The following NRG3 variants were observed in gnomAD, a reference collection of about 807,000 sequenced individuals.
NRG3 encodes neuregulin 3.
In NRG3, 31 loss-of-function variants were observed where a neutral mutation model predicts 66.9. The observed-to-expected ratio is 0.46, with a 90% CI of 0.35 to 0.63. The LOEUF (loss-of-function observed/expected upper bound fraction) is 0.63. Among genes scored for constraint, NRG3 ranks in the 20% least tolerant of loss-of-function variants. The probability of loss-of-function intolerance (pLI) is 0.00; values close to 1 mark genes in which losing one functional copy is unlikely to be tolerated. For synonymous variants in NRG3, 393 were observed against 359.4 expected, an observed-to-expected ratio of 1.09 and a Z score of -1.06; for missense variants, 910 against 878.9, an observed-to-expected ratio of 1.04 and a Z score of -0.45.
intron 4 of NRG3, among the ~76,000 whole-genome samples, chr10:82,906,639 G>A (rs931666777): frequency 6.6e-6 from 1 of 152,122 alleles, no homozygotes; most frequent in African/African-American, 2.4e-5. Context: ...AACATGTCCA[G>A]TAGGAAAAAA....
chr10:82,694,326 C>G (rs1198027926), intron 2 of NRG3, among the ~76,000 whole-genome samples: 1 of 152,230 alleles, frequency 6.6e-6, no homozygotes, highest in East Asian at 1.9e-4. Flanking sequence ...GGAAGTCCAG[C>G]TGGCTTCACC....
At chr10:82,608,353 A>G (rs950041779) in intron 2 of NRG3, among the ~76,000 whole-genome samples, 5 of 151,182 alleles carry the variant, frequency 3.3e-5, no homozygotes, top group African/African-American at 1.2e-4. Flanking sequence ...TTTGTGTTTA[A>G]CCTCCTGTGG....
At chr10:82,219,769 C>G (rs2075851818) in intron 1 of NRG3, among the ~76,000 whole-genome samples, 1 of 152,016 alleles carries the variant, frequency 6.6e-6, no homozygotes, top group Admixed American at 6.6e-5. Context: ...TTCGTAGGTA[C>G]ACAATAGTCC....
At chr10:82,338,532 C>T (rs916307382) in intron 1 of NRG3, among the ~76,000 whole-genome samples, 1 of 152,188 alleles carries the variant, frequency 6.6e-6, no homozygotes, top group Non-Finnish European at 1.5e-5. Context: ...TCACTTTCCA[C>T]CCCAGGAATC....
rs1436893461 is a variant in NRG3, at chr10:82,049,119, T to C, written c.823+172956T>C. On this transcript the variant is annotated intron_variant, in intron 1 of 8. Transcript: ENST00000372141. ...TTCAAAGTTCATCTGACATGCTTTTTCATTTATTCTTCGTACGGTATAGGA... is the reference window on the plus strand; with the variant it reads ...TTCAAAGTTCATCTGACATGCTTTTCCATTTATTCTTCGTACGGTATAGGA... Among the ~76,000 whole-genome samples the C allele has an allele frequency of 3.9e-5, 6 of 152,258 alleles. No individual in the cohort carries two copies. In the East Asian group the frequency reaches 9.7e-4, roughly 25 times the overall value.
In NRG3 at chr10:82,482,063, C is replaced by G. The variant is rs573887793; in HGVS notation, c.953+123195C>G. ...GCACAGCTTAGCTCAATGCCTGTATCTAGTGATTTTTCTCTCCATTTTTAA... is the reference window on the plus strand; with the variant it reads ...GCACAGCTTAGCTCAATGCCTGTATGTAGTGATTTTTCTCTCCATTTTTAA... On this transcript the variant is annotated intron_variant, in intron 2 of 8. Transcript: ENST00000372141. Among the ~76,000 whole-genome samples, 7 of 152,052 alleles carry G rather than the reference C, an allele frequency of 4.6e-5. No homozygotes were observed. The East Asian group carries it at 1.4e-3, about 29-fold the overall frequency.
Position 82,491,298 on chromosome 10 carries a change from A to ATATATATACATTT in NRG3, c.953+132438_953+132439insCATTTTATATATA, listed in dbSNP as rs1320320954. Reference sequence around the variant, plus strand: ...TGCCTATGCTGTTCCCATAAAATATATATATATATATATATATAAAATAAA... The same window carrying ATATATATACATTT: ...TGCCTATGCTGTTCCCATAAAATATATATATATACATTTTATATATATATATATATAAAATAAA... On this transcript the variant is annotated intron_variant, in intron 2 of 8. Transcript: ENST00000372141. 1.5e-3 allele frequency among the ~76,000 whole-genome samples: 192 copies of ATATATATACATTT among 130,510 alleles called. 1 individual carries two copies. The highest frequency in any genetic ancestry group is 2.8e-3 in the Non-Finnish European group (167 of 59,348). The allele number at this position is 130,510 out of a possible 152,430, so 85.6% of individuals were successfully genotyped here.
At chr10:82,561,014 G>A (rs1261359566) in intron 2 of NRG3, among the ~76,000 whole-genome samples, 2 of 151,860 alleles carry the variant, frequency 1.3e-5, no homozygotes, top group Non-Finnish European at 2.9e-5. Context: ...CAATATTCCT[G>A]TTCTATAATT....
chr10:82,907,779 T>C (rs1242516314), intron 4 of NRG3, among the ~76,000 whole-genome samples: 1 of 152,216 alleles, frequency 6.6e-6, no homozygotes, highest in East Asian at 1.9e-4. Flanking sequence ...GTACTGTATA[T>C]AAATACAATG....
At chr10:82,879,009 A>G (rs1842067189) in intron 4 of NRG3, among the ~76,000 whole-genome samples, 1 of 152,210 alleles carries the variant, frequency 6.6e-6, no homozygotes, top group Non-Finnish European at 1.5e-5. Flanking sequence ...CCTTCTCATA[A>G]TAAATAATTC....
At chr10:82,867,298 T>C (rs2135960209) in intron 4 of NRG3, among the ~76,000 whole-genome samples, 1 of 152,306 alleles carries the variant, frequency 6.6e-6, no homozygotes, top group South Asian at 2.1e-4. Context: ...AGCCAGCAGA[T>C]TGAGAAACAG....
chr10:82,367,396 G>T (rs2084604777), intron 2 of NRG3, among the ~76,000 whole-genome samples: 2 of 152,034 alleles, frequency 1.3e-5, no homozygotes, highest in South Asian at 4.1e-4. Context: ...AAAATTACTG[G>T]AGTGTTTTTA....
chr10:82,671,569 G>A (rs1591106620), intron 2 of NRG3, among the ~76,000 whole-genome samples: 2 of 152,302 alleles, frequency 1.3e-5, no homozygotes, highest in East Asian at 3.9e-4. Context: ...ACTTCAGGTT[G>A]GACAGCTCTG....
chr10:82,168,549 A>G lies in NRG3; in HGVS notation c.824-190190A>G, dbSNP rs141061484. On this transcript the variant is annotated intron_variant, in intron 1 of 8. Transcript: ENST00000372141. ...TCTTTTCTCACAATGTTACAACCTC[A>G]TCCAACCAGACTACCTAGAATAGTG... Among the ~76,000 whole-genome samples, 346 of 152,274 alleles carry G rather than the reference A, an allele frequency of 2.3e-3. 1 individual carries two copies. The highest frequency in any genetic ancestry group is 7.0e-3 in the African/African-American group (293 of 41,570).
intron 4 of NRG3, among the ~76,000 whole-genome samples, chr10:82,922,163 C>CTA (rs199880967): frequency 2.6e-4 from 39 of 151,284 alleles, no homozygotes; most frequent in Non-Finnish European, 3.0e-4. Flanking sequence ...GTATAATATT[C>CTA]TATATATATA....
chr10:82,734,581 T>G (rs1166210444), intron 2 of NRG3, among the ~76,000 whole-genome samples: 1 of 152,014 alleles, frequency 6.6e-6, no homozygotes, highest in African/African-American at 2.4e-5. Flanking sequence ...GGGACCAATC[T>G]CTCTTATTCT....
chr10:82,586,512 A>T (rs567261340), intron 2 of NRG3, among the ~76,000 whole-genome samples: 3 of 152,302 alleles, frequency 2.0e-5, no homozygotes, highest in East Asian at 3.9e-4. Context: ...CTTATCATGA[A>T]ATATTAAGCA....
At chr10:82,258,888 G>A (rs2077874800) in intron 1 of NRG3, among the ~76,000 whole-genome samples, 1 of 152,144 alleles carries the variant, frequency 6.6e-6, no homozygotes, top group African/African-American at 2.4e-5. Context: ...TCCACTTTGA[G>A]AAAGATACGT....
intron 1 of NRG3, among the ~76,000 whole-genome samples, chr10:81,911,323 C>T (rs1845122467): frequency 6.6e-6 from 1 of 152,056 alleles, no homozygotes; most frequent in Admixed American, 6.6e-5. Flanking sequence ...TGAAAGCCTG[C>T]TATGGTGCAA....
Sources: gnomAD v4.1 joint callset for allele counts (sites outside exome capture counted in the v4.1 genomes callset) on GRCh38, gnomAD v4.1.1 for gene constraint, MANE v1.5 for transcripts, NCBI Gene and HGNC (gene_info 2026-07-23, HGNC 2026-07-21) for gene names.